CLEC16A: variants seen among roughly 807,000 people sequenced by gnomAD.
CLEC16A encodes the protein C-type lectin domain containing 16A.
A neutral mutation model predicts 109.5 loss-of-function variants in CLEC16A; 51 were observed. The ratio of observed to expected loss-of-function variants is 0.47; its 90% confidence interval spans 0.37 to 0.59. CLEC16A has a LOEUF of 0.59. CLEC16A is among the 20% of genes least tolerant of loss of function. CLEC16A has a pLI of 0.00. For missense variants in CLEC16A, 1,339 were observed against 1,394.0 expected (o/e 0.96, Z 0.63); for synonymous variants, 673 against 564.2 (o/e 1.19, Z -2.73).
At chr16:11,099,236 G>C (rs535650343) in intron 19 of CLEC16A, among the ~76,000 whole-genome samples, 1 of 152,232 alleles carries the variant, frequency 6.6e-6, no homozygotes, top group Non-Finnish European at 1.5e-5. Context: ...ATCGGCAGAC[G>C]TGGAGCAGAG....
At chr16:11,107,454 T>C (rs1386686427) in intron 19 of CLEC16A, among the ~76,000 whole-genome samples, 3 of 152,246 alleles carry the variant, frequency 2.0e-5, no homozygotes, top group Non-Finnish European at 4.4e-5. Context: ...GCTGGGTTGA[T>C]GGAGAAATGG....
At chr16:11,140,942 ACAG>A (rs2053796569) in intron 22 of CLEC16A, among the ~76,000 whole-genome samples, 1 of 152,204 alleles carries the variant, frequency 6.6e-6, no homozygotes, top group Admixed American at 6.5e-5. Context: ...CCTGCCTCAC[ACAG>A]CAGGAGCTTA....
intron 19 of CLEC16A, among the ~76,000 whole-genome samples, chr16:11,094,550 C>A (rs548706235): frequency 6.6e-6 from 1 of 152,222 alleles, no homozygotes. Flanking sequence ...CCACCTCCCC[C>A]CCTACAACTT....
intron 11 of CLEC16A, among the ~76,000 whole-genome samples, chr16:11,019,180 C>G (rs184138496): frequency 6.6e-6 from 1 of 152,170 alleles, no homozygotes; most frequent in South Asian, 2.1e-4. Flanking sequence ...GATGTGAACT[C>G]TGAGTTCCAA....
At chr16:11,083,459 G>C (rs556212575) in intron 19 of CLEC16A, among the ~76,000 whole-genome samples, 1 of 152,280 alleles carries the variant, frequency 6.6e-6, no homozygotes, top group Non-Finnish European at 1.5e-5. Context: ...CACTGTGCCT[G>C]GCCAAGGCAG....
Position 11,174,219 on chromosome 16 carries a change from C to T in CLEC16A, c.2807-4116C>T, listed in dbSNP as rs933345374. ...GTCGGAGGCCGACAGTCATGGCGGC[C>T]ACTGGGTTTAGTGCTCCGAACGGCA... is the stretch of plus-strand genomic sequence containing the variant. On this transcript the variant is annotated intron_variant, in intron 23 of 23. Coordinates refer to ENST00000409790, the MANE Select transcript of CLEC16A (RefSeq NM_015226.3). The surrounding 1 kb of genome is among the most constrained non-coding windows in gnomAD (Gnocchi z 4.7). The T allele has an allele frequency of 2.1e-6, 1 of 469,026 alleles. No homozygotes were observed. Among genetic ancestry groups the T allele is most frequent in the African/African-American group, 2.0e-5 (1 of 50,084 alleles). The allele number at this position is 469,026 out of a possible 1,614,324, so 29.1% of individuals were successfully genotyped here. A position where few individuals can be genotyped will look rare whatever the true frequency, so the allele number is the denominator to read the frequency against.
At chr16:11,134,057 A>G (rs7184083) in intron 22 of CLEC16A, among the ~76,000 whole-genome samples, 108,289 of 152,030 alleles carry the variant, frequency 0.71, 40,246 homozygotes, top group African/African-American at 0.93. Flanking sequence ...TTTCCCTTTC[A>G]GCAGGTCAGA....
chr16:11,087,787 G>C (rs553772691), intron 19 of CLEC16A, among the ~76,000 whole-genome samples: 10 of 152,350 alleles, frequency 6.6e-5, no homozygotes, highest in Admixed American at 5.9e-4. Flanking sequence ...TGGGTACACC[G>C]AGGCCCAGAG....
At chr16:11,040,097 C>A in intron 14 of CLEC16A, 1 of 498,240 alleles carries the variant, frequency 2.0e-6, no homozygotes, top group Non-Finnish European at 3.5e-6. Context: ...CATCCCCTGC[C>A]ACTTGGTAAC....
At chr16:11,079,258 A>G (rs567020493) in intron 19 of CLEC16A, among the ~76,000 whole-genome samples, 51 of 152,316 alleles carry the variant, frequency 3.3e-4, no homozygotes, top group African/African-American at 1.2e-3. Context: ...AGTCTTGGAA[A>G]TGGCCTGTTT....
intron 13 of CLEC16A, among the ~76,000 whole-genome samples, chr16:11,036,581 G>C (rs1180340481): frequency 7.5e-6 from 1 of 133,370 alleles, no homozygotes; most frequent in African/African-American, 2.9e-5. Context: ...CAAGAGTCTC[G>C]CTCTGTCACC....
chr16:11,107,453 A>T (rs2051292227), intron 19 of CLEC16A, among the ~76,000 whole-genome samples: 1 of 152,246 alleles, frequency 6.6e-6, no homozygotes, highest in Admixed American at 6.5e-5. Context: ...TGCTGGGTTG[A>T]TGGAGAAATG....
chr16:11,008,979 G>A (rs1189372098), intron 11 of CLEC16A, among the ~76,000 whole-genome samples: 1 of 152,090 alleles, frequency 6.6e-6, no homozygotes, highest in Non-Finnish European at 1.5e-5. Flanking sequence ...AGCCTGGGCA[G>A]CAGAGCGAGA....
chr16:11,020,458 C>A, intron 12 of CLEC16A, 133 bp downstream of exon 12: 1 of 1,180,896 alleles, frequency 8.5e-7, no homozygotes, highest in Non-Finnish European at 1.1e-6. Flanking sequence ...TCTTTCCCTG[C>A]TTCTCCAGCT....
chr16:11,114,542 C>T (rs1043851603), intron 19 of CLEC16A, among the ~76,000 whole-genome samples: 12 of 152,186 alleles, frequency 7.9e-5, no homozygotes, highest in Non-Finnish European at 1.2e-4. Flanking sequence ...ACTCAGCATA[C>T]TCCTGCTGGC....
chr16:10,972,991 TTC>T lies in CLEC16A; in HGVS notation c.661_662del (p.Ser221GlnfsTer15). ...CCGAGATAAAACTGCTGTTCCTTAC[TTC>T]TCCAATTTGGTCTGGTTCATTGGGA... ...YIRDKTAVPY[F>X]SNLVWFIGSH... On this transcript the variant is annotated frameshift_variant, in exon 7 of 24. Transcript: ENST00000409790. LOFTEE classifies it high-confidence loss of function. The T allele has an allele frequency of 6.2e-7, 1 of 1,612,392 alleles. No homozygotes were observed. The highest frequency in any genetic ancestry group is 8.5e-7 in the Non-Finnish European group (1 of 1,179,322).
intron 1 of CLEC16A, among the ~76,000 whole-genome samples, chr16:10,945,904 G>A (rs902027233): frequency 2.0e-5 from 3 of 152,266 alleles, no homozygotes; most frequent in African/African-American, 7.2e-5. Flanking sequence ...CACTTCACGA[G>A]GGCACAGACT....
intron 19 of CLEC16A, among the ~76,000 whole-genome samples, chr16:11,074,815 A>T (rs929150845): frequency 6.6e-6 from 1 of 152,208 alleles, no homozygotes; most frequent in African/African-American, 2.4e-5. Flanking sequence ...ATTCAATTCT[A>T]TGCATTAGAG....
At chr16:11,128,569 C>T (rs80302714) in intron 22 of CLEC16A, among the ~76,000 whole-genome samples, 2 of 152,180 alleles carry the variant, frequency 1.3e-5, no homozygotes, top group African/African-American at 2.4e-5. Context: ...GAGATGGAGA[C>T]ATTCTTATTT....
Sources: allele counts gnomAD v4.1 joint callset (sites outside exome capture counted in the v4.1 genomes callset), GRCh38; gene constraint gnomAD v4.1.1; non-coding constraint Gnocchi (gnomAD v3.1); transcripts MANE v1.5; gene names NCBI Gene and HGNC (gene_info 2026-07-23, HGNC 2026-07-21).